CADPS2: variants seen among roughly 807,000 people sequenced by gnomAD.
The protein encoded by CADPS2 is calcium dependent secretion activator 2, also known as calcium-dependent secretion activator 2.
CADPS2 carries 93 observed loss-of-function variants against 172.5 expected under a neutral mutation model. The ratio of observed to expected loss-of-function variants is 0.54; its 90% confidence interval spans 0.46 to 0.64. The LOEUF (loss-of-function observed/expected upper bound fraction) is 0.64. CADPS2 is among the 30% of genes least tolerant of loss of function. CADPS2 has a pLI of 0.00. For synonymous variants in CADPS2, 546 were observed against 555.2 expected, an observed-to-expected ratio of 0.98 and a Z score of 0.23; for missense variants, 1,420 against 1,565.9, an observed-to-expected ratio of 0.91 and a Z score of 1.57.
intron 3 of CADPS2, among the ~76,000 whole-genome samples, chr7:122,641,954 G>A (rs1166474767): frequency 6.6e-6 from 1 of 152,000 alleles, no homozygotes; most frequent in Non-Finnish European, 1.5e-5. Context: ...GATAGCATCA[G>A]GATGGATTTG....
intron 20 of CADPS2, among the ~76,000 whole-genome samples, chr7:122,406,943 T>C (rs1200133512): frequency 6.6e-6 from 1 of 152,168 alleles, no homozygotes; most frequent in Non-Finnish European, 1.5e-5. Context: ...AACAGTTTGT[T>C]TTGTTTGCTG....
At chr7:122,668,333 G>A (rs2081394722) in intron 2 of CADPS2, among the ~76,000 whole-genome samples, 1 of 151,138 alleles carries the variant, frequency 6.6e-6, no homozygotes, top group African/African-American at 2.4e-5. Context: ...ATATGGTGGT[G>A]AATGTTGGGA....
chr7:122,744,484 C>T (rs1372326665), intron 1 of CADPS2, among the ~76,000 whole-genome samples: 1 of 152,112 alleles, frequency 6.6e-6, no homozygotes, highest in Non-Finnish European at 1.5e-5. Flanking sequence ...TATTCTAAAA[C>T]ATTTTTCCAT....
chr7:122,799,471 T>C (rs760609674), intron 1 of CADPS2, among the ~76,000 whole-genome samples: 4 of 151,030 alleles, frequency 2.6e-5, no homozygotes, highest in Non-Finnish European at 5.9e-5. Flanking sequence ...GGCGTGGTGG[T>C]GGGCGCCTGT....
At chr7:122,631,228 C>T (rs950257861) in intron 3 of CADPS2, among the ~76,000 whole-genome samples, 1 of 152,060 alleles carries the variant, frequency 6.6e-6, no homozygotes, top group East Asian at 1.9e-4. Flanking sequence ...TAAAAAGTTA[C>T]TTGCATATAA....
At chr7:122,505,962 T>C (rs994160068) in intron 9 of CADPS2, among the ~76,000 whole-genome samples, 1 of 152,198 alleles carries the variant, frequency 6.6e-6, no homozygotes, top group Non-Finnish European at 1.5e-5. Flanking sequence ...TACTAACACC[T>C]GTAGCTGCTG....
At chr7:122,813,965 T>G (rs1800684616) in intron 1 of CADPS2, among the ~76,000 whole-genome samples, 1 of 152,004 alleles carries the variant, frequency 6.6e-6, no homozygotes, top group African/African-American at 2.4e-5. Flanking sequence ...TAGATTCAAT[T>G]CTTTGATTTA....
At chr7:122,677,991 T>C (rs1034165055) in intron 2 of CADPS2, among the ~76,000 whole-genome samples, 4 of 152,222 alleles carry the variant, frequency 2.6e-5, no homozygotes, top group Non-Finnish European at 5.9e-5. Flanking sequence ...TCCTGTCTTA[T>C]ACCACATCAT....
At chr7:122,443,442 A>C (rs577102754) in intron 15 of CADPS2, among the ~76,000 whole-genome samples, 43 of 152,292 alleles carry the variant, frequency 2.8e-4, no homozygotes, top group African/African-American at 1.0e-3. Context: ...TCAATTATCA[A>C]ATAAAATTCA....
intron 8 of CADPS2, among the ~76,000 whole-genome samples, chr7:122,545,244 T>G (rs907648037): frequency 6.6e-6 from 1 of 152,182 alleles, no homozygotes; most frequent in Non-Finnish European, 1.5e-5. Flanking sequence ...CAAGATGGCT[T>G]GCAGTTAGCG....
chr7:122,477,006 AG>A (rs2056706536), intron 12 of CADPS2, among the ~76,000 whole-genome samples: 3 of 67,478 alleles, frequency 4.4e-5, no homozygotes, highest in African/African-American at 1.9e-4. Flanking sequence ...GGGAGAGGAG[AG>A]GAGAGGAGAG....
intron 1 of CADPS2, among the ~76,000 whole-genome samples, chr7:122,837,404 C>G (rs907394984): frequency 1.3e-5 from 2 of 152,074 alleles, no homozygotes; most frequent in Non-Finnish European, 2.9e-5. Context: ...CAAAAGCTAG[C>G]AGAAGGCAAG....
chr7:122,747,709 T>G (rs1020377185), intron 1 of CADPS2, among the ~76,000 whole-genome samples: 1 of 152,126 alleles, frequency 6.6e-6, no homozygotes, highest in Non-Finnish European at 1.5e-5. Context: ...CTGACTGATA[T>G]GCTCTTAGCC....
intron 8 of CADPS2, among the ~76,000 whole-genome samples, chr7:122,518,949 T>C (rs2060580166): frequency 1.3e-5 from 2 of 152,046 alleles, no homozygotes; most frequent in African/African-American, 4.8e-5. Flanking sequence ...CAGAATTTGG[T>C]TTTAAATATT....
intron 17 of CADPS2, among the ~76,000 whole-genome samples, chr7:122,423,904 T>C (rs564928900): frequency 6.6e-6 from 1 of 152,178 alleles, no homozygotes; most frequent in African/African-American, 2.4e-5. Flanking sequence ...AAAACAAAGT[T>C]AAAAAACAAA....
In CADPS2 at chr7:122,815,102, T is replaced by C. The variant is rs1800987589; in HGVS notation, c.339+70897A>G. On this transcript the variant is annotated intron_variant, in intron 1 of 29. Transcript: ENST00000449022. ...GGAGTTAAGATCTAAAGAAAAGAGG[T>C]TTAACAAAACAGAGACTTCCATATA... is the stretch of plus-strand genomic sequence containing the variant. Among the ~76,000 whole-genome samples the C allele has an allele frequency of 1.3e-5, 2 of 151,926 alleles. 1 individual carries two copies. Among genetic ancestry groups the C allele is most frequent in the African/African-American group, 4.8e-5 (2 of 41,380 alleles).
At chr7:122,369,422 C>A (rs778569020) in intron 25 of CADPS2, among the ~76,000 whole-genome samples, 1 of 152,140 alleles carries the variant, frequency 6.6e-6, no homozygotes, top group South Asian at 2.1e-4. Context: ...TGAGCCACTG[C>A]GCCCAGTCTT....
chr7:122,582,688 G>A (rs866641975), intron 6 of CADPS2, among the ~76,000 whole-genome samples: 1 of 152,024 alleles, frequency 6.6e-6, no homozygotes, highest in African/African-American at 2.4e-5. Context: ...AGGCAATGTG[G>A]TTAACAGCCT....
chr7:122,649,261 T>C (rs943735439), intron 3 of CADPS2, among the ~76,000 whole-genome samples: 1 of 152,154 alleles, frequency 6.6e-6, no homozygotes. Context: ...ATGGTTAATT[T>C]TGTGTTCATC....
Sources: allele counts gnomAD v4.1 joint callset (sites outside exome capture counted in the v4.1 genomes callset), GRCh38; gene constraint gnomAD v4.1.1; transcripts MANE v1.5; gene names NCBI Gene and HGNC (gene_info 2026-07-23, HGNC 2026-07-21).